Variants in TIAM1 observed in about 807,000 individuals in gnomAD.
TIAM1 encodes the protein rho guanine nucleotide exchange factor TIAM1.
A neutral mutation model predicts 163.5 loss-of-function variants in TIAM1; 65 were observed. The ratio of observed to expected loss-of-function variants is 0.40; its 90% CI spans 0.33 to 0.49. TIAM1 has a LOEUF of 0.49. Ranked by LOEUF, TIAM1 falls within the 20% of genes least tolerant of loss-of-function variation. The probability of loss-of-function intolerance (pLI) is 0.77; values close to 1 mark genes in which losing one functional copy is unlikely to be tolerated. For missense variants in TIAM1, 1,789 were observed against 2,044.7 expected (o/e 0.87, Z 2.41); for synonymous variants, 833 against 810.1 (o/e 1.03, Z -0.48).
intron 1 of TIAM1, among the ~76,000 whole-genome samples, chr21:31,506,528 A>G (rs923089797): frequency 3.9e-5 from 6 of 152,194 alleles, no homozygotes; most frequent in African/African-American, 1.4e-4. Flanking sequence ...CCCTCATACA[A>G]GTGGAATCAC....
At chr21:31,224,711 G>C (rs1257787192) in intron 7 of TIAM1, among the ~76,000 whole-genome samples, 1 of 152,156 alleles carries the variant, frequency 6.6e-6, no homozygotes, top group African/African-American at 2.4e-5. Flanking sequence ...TACATTGTGT[G>C]AATTTTGCCT....
At chr21:31,312,613 A>T (rs1162668907) in intron 2 of TIAM1, among the ~76,000 whole-genome samples, 2 of 152,204 alleles carry the variant, frequency 1.3e-5, no homozygotes, top group African/African-American at 4.8e-5. Flanking sequence ...TCTGAGCCTT[A>T]TCCGTATGAA....
At chr21:31,190,904 G>C (rs1387269467) in intron 13 of TIAM1, among the ~76,000 whole-genome samples, 1 of 152,208 alleles carries the variant, frequency 6.6e-6, no homozygotes, top group African/African-American at 2.4e-5. Flanking sequence ...TTCTGTGTTT[G>C]TGCCGGCAGC....
At chr21:31,263,830 C>T (rs1228683511) in intron 4 of TIAM1, among the ~76,000 whole-genome samples, 1 of 152,222 alleles carries the variant, frequency 6.6e-6, no homozygotes, top group Admixed American at 6.5e-5. Flanking sequence ...CTCTTTGAAT[C>T]AGCCTTGCAG....
chr21:31,354,621 T>C (rs2076285748), intron 2 of TIAM1, among the ~76,000 whole-genome samples: 1 of 152,152 alleles, frequency 6.6e-6, no homozygotes, highest in South Asian at 2.1e-4. Flanking sequence ...AGAATCTTGC[T>C]CGCAGCTGAA....
At chr21:31,253,278 C>T (rs760753832) in intron 4 of TIAM1, among the ~76,000 whole-genome samples, 1 of 152,206 alleles carries the variant, frequency 6.6e-6, no homozygotes, top group Non-Finnish European at 1.5e-5. Context: ...CAAAGTAATA[C>T]ACAGTTTGGC....
intron 15 of TIAM1, among the ~76,000 whole-genome samples, chr21:31,178,215 T>C (rs925972302): frequency 1.3e-5 from 2 of 151,454 alleles, no homozygotes; most frequent in East Asian, 1.9e-4. Context: ...AGAAGGCAGA[T>C]AGGCAGAGAC....
Position 31,417,577 on chromosome 21 carries a change from C to T in TIAM1, c.-369+46406G>A, listed in dbSNP as rs1323874955. 2.0e-5 allele frequency among the ~76,000 whole-genome samples: 3 copies of T among 152,164 alleles called. No homozygotes were observed. The South Asian group carries it at 6.2e-4, about 32-fold the overall frequency. On this transcript the variant is annotated intron_variant, in intron 2 of 28. Coordinates refer to the TIAM1 transcript ENST00000286827. ...CTCCCACTGGGTCCCTCCCACAATACGTGAGAATTATGGGAGCTACAATTC... is the reference window on the plus strand; with the variant it reads ...CTCCCACTGGGTCCCTCCCACAATATGTGAGAATTATGGGAGCTACAATTC...
chr21:31,489,375 GGA>G (rs2046381012), intron 1 of TIAM1, among the ~76,000 whole-genome samples: 1 of 89,628 alleles, frequency 1.1e-5, no homozygotes, highest in Non-Finnish European at 2.2e-5. Context: ...GGGGAGAGGA[GGA>G]GGAGGAGGAG....
chr21:31,224,364 T>C (rs1018216716), intron 7 of TIAM1, among the ~76,000 whole-genome samples: 1 of 152,156 alleles, frequency 6.6e-6, no homozygotes, highest in Non-Finnish European at 1.5e-5. Flanking sequence ...CATCAAGAAA[T>C]GGCCAATAAA....
At chr21:31,439,733 T>G (rs981642620) in intron 2 of TIAM1, among the ~76,000 whole-genome samples, 2 of 152,182 alleles carry the variant, frequency 1.3e-5, no homozygotes, top group Admixed American at 6.5e-5. Flanking sequence ...TGGTAAGAAA[T>G]AGAACTTACT....
At position 31,120,886 on chromosome 21, in the gene TIAM1, G is replaced by A. The variant is rs2073371; in HGVS notation, c.4307-49C>T. The stretch of plus-strand genomic sequence containing the variant: ...AAAATAAAACCCCCACATGCTTTAC[G>A]TGAGATGAAAATCCAGAAAGCAAAG... On this transcript the variant is annotated intron_variant, in intron 27 of 27. Coordinates refer to ENST00000541036, the MANE Select transcript of TIAM1 (RefSeq NM_001353694.2). This position sits in a 1 kb window ranked among gnomAD's most constrained non-coding sequence, Gnocchi z 4.2. The A allele has an allele frequency of 0.42, 634,618 of 1,493,636 alleles. 138,428 individuals carry two copies. Among genetic ancestry groups the A allele is most frequent in the East Asian group, 0.61 (25,958 of 42,330 alleles). 92.5% of individuals were successfully genotyped at this position (1,493,636 alleles called of 1,614,324 possible). A position where few individuals can be genotyped will look rare whatever the true frequency, so the allele number is the denominator to read the frequency against.
intron 13 of TIAM1, among the ~76,000 whole-genome samples, chr21:31,191,839 T>C (rs79067016): frequency 3.0e-3 from 456 of 152,288 alleles, no homozygotes; most frequent in African/African-American, 0.011. Flanking sequence ...CAGTTCCAAT[T>C]TCTGAGTCCC....
intron 2 of TIAM1, among the ~76,000 whole-genome samples, chr21:31,285,336 G>T (rs2073761302): frequency 6.6e-6 from 1 of 152,154 alleles, no homozygotes; most frequent in Non-Finnish European, 1.5e-5. Context: ...AACAAGGGCT[G>T]GGACTGCCTG....
intron 2 of TIAM1, among the ~76,000 whole-genome samples, chr21:31,295,299 T>C (rs1051317315): frequency 1.3e-5 from 2 of 151,768 alleles, no homozygotes; most frequent in African/African-American, 2.4e-5. Flanking sequence ...TGAAACCCCG[T>C]CTCTACTAAA....
At chr21:31,414,056 A>C (rs2043295061) in intron 2 of TIAM1, among the ~76,000 whole-genome samples, 1 of 152,114 alleles carries the variant, frequency 6.6e-6, no homozygotes, top group African/African-American at 2.4e-5. Context: ...ATTTGGTTCA[A>C]CTCTGTACTT....
intron 2 of TIAM1, among the ~76,000 whole-genome samples, chr21:31,358,406 C>T (rs534046192): frequency 3.9e-5 from 6 of 152,214 alleles, no homozygotes; most frequent in Admixed American, 2.0e-4. Flanking sequence ...CTCATGACTG[C>T]GAATACTTTC....
chr21:31,525,749 C>T (rs775383888), intron 1 of TIAM1, among the ~76,000 whole-genome samples: 2 of 151,758 alleles, frequency 1.3e-5, no homozygotes, highest in South Asian at 2.1e-4. Flanking sequence ...TTATGTCATC[C>T]GACGCCAGGC....
In TIAM1 at chr21:31,199,563, CT is replaced by C. The variant is rs1201861801; in HGVS notation, c.2493+3344del. On this transcript the variant is annotated intron_variant, in intron 12 of 27. Transcript: ENST00000541036. Reference sequence around the variant, plus strand: ...TTTTTTTTTTTGAGACAGAATCTGGCTTTGCCACCCAGGCTGGAGTGCAGTG... The same window carrying C: ...TTTTTTTTTTTGAGACAGAATCTGGCTTGCCACCCAGGCTGGAGTGCAGTG... Among the ~76,000 whole-genome samples, 4 of 149,362 alleles carry C rather than the reference CT, an allele frequency of 2.7e-5. No homozygotes were observed. The East Asian group carries it at 5.9e-4, about 22-fold the overall frequency.
Sources: gnomAD v4.1 joint callset for allele counts (sites outside exome capture counted in the v4.1 genomes callset) on GRCh38, gnomAD v4.1.1 for gene constraint, Gnocchi (gnomAD v3.1) non-coding constraint, MANE v1.5 for transcripts, NCBI Gene and HGNC (gene_info 2026-07-23, HGNC 2026-07-21) for gene names.